RSU1: variants seen among roughly 807,000 people sequenced by gnomAD.
The protein encoded by RSU1 is rsu-1.
A neutral mutation model predicts 31.1 loss-of-function variants in RSU1; 26 were observed. That is an observed-to-expected ratio of 0.84 (90% CI 0.61 to 1.16). The LOEUF is 1.16. Among genes scored for constraint, RSU1 ranks in the 50% most tolerant of loss-of-function variants. The pLI, the probability that RSU1 is intolerant of heterozygous loss-of-function variation, is 0.00. For synonymous variants in RSU1, 164 were observed against 136.3 expected, an observed-to-expected ratio of 1.20 and a Z score of -1.41; for missense variants, 320 against 339.1, an observed-to-expected ratio of 0.94 and a Z score of 0.44.
intron 7 of RSU1, among the ~76,000 whole-genome samples, chr10:16,738,945 A>G (rs1013085889): frequency 1.3e-5 from 2 of 150,230 alleles, no homozygotes; most frequent in Non-Finnish European, 3.0e-5. Flanking sequence ...CCCACTTATG[A>G]ACGAGAACAT....
intron 8 of RSU1, among the ~76,000 whole-genome samples, chr10:16,684,351 G>C (rs1176205381): frequency 6.6e-6 from 1 of 152,062 alleles, no homozygotes; most frequent in African/African-American, 2.4e-5. Context: ...TGGTTAGTAG[G>C]GCATGACTCC....
chr10:16,680,080 C>T (rs1038482685), intron 8 of RSU1, among the ~76,000 whole-genome samples: 2 of 151,926 alleles, frequency 1.3e-5, no homozygotes, highest in African/African-American at 4.8e-5. Flanking sequence ...TGGGGTTTCA[C>T]CATGTTGGCC....
rs560489162 is a variant in RSU1, at chr10:16,701,201, A to G, written c.599-6046T>C. Among the ~76,000 whole-genome samples the G allele has an allele frequency of 2.6e-5, 4 of 152,358 alleles. No homozygotes were observed. The South Asian group carries it at 8.3e-4, about 32-fold the overall frequency. Reference sequence around the variant, plus strand: ...TAAAGTACATTGAAAGGGAATGGTCAAAAACAAATTAAAAGCACATGGTGC... The same window carrying G: ...TAAAGTACATTGAAAGGGAATGGTCGAAAACAAATTAAAAGCACATGGTGC... On this transcript the variant is annotated intron_variant, in intron 7 of 8. Transcript: ENST00000345264.
At chr10:16,669,310 T>C (rs921376594) in intron 8 of RSU1, among the ~76,000 whole-genome samples, 6 of 152,076 alleles carry the variant, frequency 3.9e-5, no homozygotes, top group Non-Finnish European at 8.8e-5. Context: ...CCTGCCTCAC[T>C]CTAAAAGGCC....
chr10:16,640,139 A>G (rs1834415841), intron 8 of RSU1, among the ~76,000 whole-genome samples: 1 of 152,146 alleles, frequency 6.6e-6, no homozygotes, highest in Admixed American at 6.5e-5. Flanking sequence ...AAGGAAAAGG[A>G]GAAAGAAGGA....
At chr10:16,729,791 C>T (rs1836471051) in intron 7 of RSU1, among the ~76,000 whole-genome samples, 1 of 152,144 alleles carries the variant, frequency 6.6e-6, no homozygotes, top group African/African-American at 2.4e-5. Flanking sequence ...TTCCATGCCC[C>T]TGGTGTTTCC....
At chr10:16,737,412 C>G (rs1056841494) in intron 7 of RSU1, among the ~76,000 whole-genome samples, 1 of 151,168 alleles carries the variant, frequency 6.6e-6, no homozygotes, top group Non-Finnish European at 1.5e-5. Context: ...GACACTAAAA[C>G]AATGCAAACC....
intron 7 of RSU1, among the ~76,000 whole-genome samples, chr10:16,722,877 CACACAT>C (rs1564332520): frequency 9.9e-5 from 14 of 140,764 alleles, no homozygotes; most frequent in African/African-American, 3.5e-4. Flanking sequence ...TGTATATATA[CACACAT>C]ATACATATAT....
chr10:16,791,622 C>T (rs1402172013), intron 2 of RSU1, among the ~76,000 whole-genome samples: 10 of 142,786 alleles, frequency 7.0e-5, no homozygotes, highest in Non-Finnish European at 1.5e-4. Flanking sequence ...AGCGAGACTC[C>T]GTCTCAAAAA....
At chr10:16,643,310 T>C (rs982455816) in intron 8 of RSU1, among the ~76,000 whole-genome samples, 1 of 152,200 alleles carries the variant, frequency 6.6e-6, no homozygotes. Flanking sequence ...TTTGCTTCAA[T>C]GATTCCTAGT....
At chr10:16,659,401 T>C (rs980142310) in intron 8 of RSU1, among the ~76,000 whole-genome samples, 2 of 151,332 alleles carry the variant, frequency 1.3e-5, no homozygotes, top group East Asian at 3.9e-4. Flanking sequence ...ATATTCAATA[T>C]ACCTGGAACC....
intron 2 of RSU1, among the ~76,000 whole-genome samples, chr10:16,789,896 C>T (rs1837876018): frequency 6.6e-6 from 1 of 152,184 alleles, no homozygotes; most frequent in African/African-American, 2.4e-5. Flanking sequence ...AACTCAGTAA[C>T]TAAGAAAACG....
intron 7 of RSU1, among the ~76,000 whole-genome samples, chr10:16,706,741 C>A (rs1276497869): frequency 6.6e-6 from 1 of 152,078 alleles, no homozygotes; most frequent in Admixed American, 6.6e-5. Flanking sequence ...CATTTGAAAG[C>A]CTCTCTTCTA....
At position 16,781,553 on chromosome 10, in the gene RSU1, C is replaced by G. The variant is rs148894125; in HGVS notation, c.160+481G>C. Among the ~76,000 whole-genome samples the G allele has an allele frequency of 3.5e-3, 529 of 152,330 alleles. 1 individual carries two copies. The highest frequency in any genetic ancestry group is 0.011 in the African/African-American group (466 of 41,580). Reference sequence around the variant, plus strand: ...TTCTAACAATTTCAAGTTTTCAATGCTTTCAAGTAAGTTTTGCTCATGAAA... The same window carrying G: ...TTCTAACAATTTCAAGTTTTCAATGGTTTCAAGTAAGTTTTGCTCATGAAA... On this transcript the variant is annotated intron_variant, in intron 3 of 8. Transcript: ENST00000345264.
At chr10:16,730,815 T>C (rs1836493466) in intron 7 of RSU1, among the ~76,000 whole-genome samples, 1 of 152,192 alleles carries the variant, frequency 6.6e-6, no homozygotes, top group Admixed American at 6.5e-5. Context: ...AATCACACTG[T>C]AAAGCAATGT....
intron 2 of RSU1, among the ~76,000 whole-genome samples, chr10:16,805,769 T>G (rs1348205664): frequency 1.3e-5 from 2 of 151,842 alleles, no homozygotes; most frequent in Admixed American, 6.6e-5. Flanking sequence ...GTAATATTAG[T>G]ATTGTTAATT....
rs746227778 is a variant in RSU1 at position 16,599,477 on chromosome 10, T to C, written c.732-5981A>G. Among the ~76,000 whole-genome samples the C allele has an allele frequency of 5.6e-4, 85 of 152,174 alleles. 1 individual carries two copies. Among genetic ancestry groups the C allele is most frequent in the South Asian group, 4.1e-4 (2 of 4,830 alleles). On this transcript the variant is annotated intron_variant, in intron 8 of 8. Transcript: ENST00000345264. ...AGCCCACCACATCCTGCACCAGGGA[T>C]TCCTGGAGAACAGTCTCTGGGACTC...
chr10:16,797,339 A>G lies in RSU1; in HGVS notation c.110-15255T>C, dbSNP rs138507174. 3.4e-3 allele frequency among the ~76,000 whole-genome samples: 517 copies of G among 152,362 alleles called. 4 individuals are homozygous for G. Among genetic ancestry groups the G allele is most frequent in the African/African-American group, 0.012 (503 of 41,580 alleles). On this transcript the variant is annotated intron_variant, in intron 2 of 8. Transcript: ENST00000345264. The stretch of plus-strand genomic sequence containing the variant: ...GATCCAGATAAAAGTGGGCAGAAGG[A>G]CTGAACCAAGTCATCTGAAAGCAAG...
chr10:16,673,435 A>G (rs558744946), intron 8 of RSU1, among the ~76,000 whole-genome samples: 1 of 152,220 alleles, frequency 6.6e-6, no homozygotes, highest in South Asian at 2.1e-4. Flanking sequence ...CAAAATACCA[A>G]TTTTCTCCTC....
Sources: allele counts gnomAD v4.1 joint callset (sites outside exome capture counted in the v4.1 genomes callset), GRCh38; gene constraint gnomAD v4.1.1; transcripts MANE v1.5; gene names NCBI Gene and HGNC (gene_info 2026-07-23, HGNC 2026-07-21).